Variants in DGKB observed in about 807,000 individuals in gnomAD.
DGKB encodes the protein diacylglycerol kinase beta.
In DGKB, 67 loss-of-function variants were observed where a neutral mutation model predicts 114.3. The ratio of observed to expected loss-of-function variants is 0.59; its 90% CI spans 0.48 to 0.72. DGKB has a LOEUF of 0.72. DGKB is among the 30% of genes least tolerant of loss of function. The pLI is 0.00. For synonymous variants in DGKB, 398 were observed against 323.1 expected (o/e 1.23, Z -2.49); for missense variants, 907 against 975.2 (o/e 0.93, Z 0.93).
chr7:14,633,321 A>G (rs1385477282), intron 13 of DGKB, among the ~76,000 whole-genome samples: 1 of 151,918 alleles, frequency 6.6e-6, no homozygotes, highest in Non-Finnish European at 1.5e-5. Context: ...AGTTTTAAAT[A>G]TGTAAGAGAG....
intron 23 of DGKB, among the ~76,000 whole-genome samples, chr7:14,336,426 C>T (rs1191011572): frequency 6.6e-6 from 1 of 152,178 alleles, no homozygotes; most frequent in Non-Finnish European, 1.5e-5. Flanking sequence ...TTGAGCCTAA[C>T]ATACTTCTGT....
chr7:14,778,374 C>T (rs1562511141), intron 2 of DGKB, among the ~76,000 whole-genome samples: 1 of 152,058 alleles, frequency 6.6e-6, no homozygotes. Context: ...TTCATAGAAC[C>T]TAGTGCATAA....
chr7:14,540,361 A>T (rs2128617550), intron 20 of DGKB, among the ~76,000 whole-genome samples: 1 of 152,246 alleles, frequency 6.6e-6, no homozygotes, highest in South Asian at 2.1e-4. Context: ...TTCTGACATA[A>T]CTCAATTGGT....
intron 24 of DGKB, among the ~76,000 whole-genome samples, chr7:14,177,554 C>CAAAAAAAAAAAAAAAA (rs56019837): frequency 4.3e-5 from 3 of 69,016 alleles, no homozygotes; most frequent in Non-Finnish European, 5.3e-5. Flanking sequence ...AACTCCGTCT[C>CAAAAAAAAAAAAAAAA]AAAAAAAAAA....
intron 21 of DGKB, among the ~76,000 whole-genome samples, chr7:14,368,022 T>C (rs1402229678): frequency 6.6e-6 from 1 of 152,060 alleles, no homozygotes; most frequent in Non-Finnish European, 1.5e-5. Flanking sequence ...ATTTTTGACA[T>C]GATATTTTCT....
chr7:14,696,470 CCGGCCTGGGCGACAGAG>C lies in DGKB; in HGVS notation c.591+1608_591+1624del, dbSNP rs1823925657. On this transcript the variant is annotated intron_variant, in intron 8 of 25. Transcript: ENST00000402815. ...AGATTGCGCCACTGCAGTCCGCAGT[CCGGCCTGGGCGACAGAG>C]CGAGACTCCGTCTCAAAAAAAAAAA... Among the ~76,000 whole-genome samples the C allele has an allele frequency of 6.2e-5, 8 of 129,746 alleles. No individual in the cohort carries two copies. In the Admixed American group the frequency reaches 7.8e-4, roughly 13 times the overall value. 85.1% of individuals were successfully genotyped at this position (129,746 alleles called of 152,430 possible).
chr7:14,869,678 A>G (rs1332421978), intron 1 of DGKB, among the ~76,000 whole-genome samples: 2 of 152,176 alleles, frequency 1.3e-5, no homozygotes, highest in African/African-American at 2.4e-5. Context: ...GGAAGAATAT[A>G]TTATACATAA....
chr7:14,769,256 AAGAAAGAAAGAAAGAAAGAAAG>A (rs749159023), intron 2 of DGKB, among the ~76,000 whole-genome samples: 1,853 of 126,290 alleles, frequency 0.015, 57 homozygotes, highest in African/African-American at 0.056. Flanking sequence ...GAAAGAAAGA[AAGAAAGAAAGAAAGAAAGAAAG>A]AAAGATTTTG....
In DGKB at chr7:14,967,813, T is replaced by G. The variant is rs561612906; in HGVS notation, c.-188+6883A>C. On this transcript the variant is annotated intron_variant, in intron 1 of 4. Coordinates refer to the DGKB transcript ENST00000437998. ...GTTTAAAATGCTAAAAGTAAGTAAC[T>G]TATGTAAGACTAATGAATTGCAGTA... 2.1e-3 allele frequency among the ~76,000 whole-genome samples: 319 copies of G among 152,138 alleles called. 1 individual carries two copies. The highest frequency in any genetic ancestry group is 7.2e-3 in the African/African-American group (299 of 41,500).
chr7:14,569,123 A>T (rs1047606112), intron 20 of DGKB, among the ~76,000 whole-genome samples: 2 of 152,158 alleles, frequency 1.3e-5, no homozygotes, highest in Non-Finnish European at 2.9e-5. Flanking sequence ...TGAGTAGATG[A>T]CTTTGTTGAA....
chr7:14,364,348 T>G (rs940623350), intron 21 of DGKB, among the ~76,000 whole-genome samples: 2 of 151,346 alleles, frequency 1.3e-5, no homozygotes, highest in East Asian at 3.9e-4. Context: ...GAGGCATTTT[T>G]GGGGATTACT....
At chr7:14,719,128 T>C (rs927607701) in intron 5 of DGKB, among the ~76,000 whole-genome samples, 1 of 152,202 alleles carries the variant, frequency 6.6e-6, no homozygotes, top group African/African-American at 2.4e-5. Flanking sequence ...TAATAAGTAA[T>C]CATCCATTCA....
intron 1 of DGKB, among the ~76,000 whole-genome samples, chr7:14,967,101 G>A (rs970701978): frequency 6.6e-6 from 1 of 152,110 alleles, no homozygotes; most frequent in African/African-American, 2.4e-5. Context: ...TTTAACTACT[G>A]AATTGATTTT....
intron 13 of DGKB, among the ~76,000 whole-genome samples, chr7:14,672,165 T>A (rs1284259822): frequency 6.6e-6 from 1 of 152,108 alleles, no homozygotes; most frequent in African/African-American, 2.4e-5. Flanking sequence ...TTTTCTATCA[T>A]TTCTTAGTTG....
chr7:14,524,211 A>G (rs1790258102), intron 20 of DGKB, among the ~76,000 whole-genome samples: 1 of 152,148 alleles, frequency 6.6e-6, no homozygotes, highest in African/African-American at 2.4e-5. Flanking sequence ...ATGATACACC[A>G]AGAGTTTAAA....
intron 24 of DGKB, among the ~76,000 whole-genome samples, chr7:14,177,107 T>C (rs1424337244): frequency 6.6e-6 from 1 of 152,144 alleles, no homozygotes; most frequent in African/African-American, 2.4e-5. Flanking sequence ...AGCTTCCTGG[T>C]AAGTGTAGTG....
chr7:14,972,608 A>G (rs1162334549), intron 1 of DGKB, among the ~76,000 whole-genome samples: 1 of 151,878 alleles, frequency 6.6e-6, no homozygotes, highest in Non-Finnish European at 1.5e-5. Flanking sequence ...TCTGAATTCA[A>G]TTTCTTAATA....
chr7:14,689,194 C>CTATTTTTTTTTT (rs1563917251), intron 9 of DGKB, among the ~76,000 whole-genome samples: 6 of 92,328 alleles, frequency 6.5e-5, no homozygotes, highest in Admixed American at 1.2e-4. Flanking sequence ...ACAGAAACTC[C>CTATTTTTTTTTT]TCTTATTTTT....
intron 21 of DGKB, among the ~76,000 whole-genome samples, chr7:14,425,625 T>C (rs1827397652): frequency 6.6e-6 from 1 of 152,142 alleles, no homozygotes; most frequent in Non-Finnish European, 1.5e-5. Context: ...GTGACTGAAA[T>C]AGAGCTTGAT....
Sources: gnomAD v4.1 joint callset for allele counts (sites outside exome capture counted in the v4.1 genomes callset) on GRCh38, gnomAD v4.1.1 for gene constraint, MANE v1.5 for transcripts, NCBI Gene and HGNC (gene_info 2026-07-23, HGNC 2026-07-21) for gene names.